Variants in SRGAP2B observed in about 807,000 individuals in gnomAD.
The protein encoded by SRGAP2B is SLIT-ROBO Rho GTPase-activating protein 2B.
In SRGAP2B, 9 loss-of-function variants were observed where a neutral mutation model predicts 22.2. That is an observed-to-expected ratio of 0.41 (90% CI 0.24 to 0.71). The LOEUF (loss-of-function observed/expected upper bound fraction) is 0.71, where lower values mean the gene tolerates loss of function less well. SRGAP2B is among the 30% of genes least tolerant of loss of function. The pLI is 0.35. For missense variants in SRGAP2B, 114 were observed against 235.8 expected (o/e 0.48, Z 3.38); for synonymous variants, 36 against 87.4 (o/e 0.41, Z 3.28).
intron 6 of SRGAP2B, among the ~76,000 whole-genome samples, chr1:144,905,577 C>A (rs1171362220): frequency 6.7e-6 from 1 of 148,850 alleles, no homozygotes; most frequent in Non-Finnish European, 1.5e-5. Context: ...CCCTCCAAAG[C>A]AATAGGATAT....
intron 2 of SRGAP2B, among the ~76,000 whole-genome samples, chr1:145,030,567 T>G (rs1239252202): frequency 0.041 from 221 of 5,370 alleles, no homozygotes; most frequent in Middle Eastern, 0.14. Flanking sequence ...TGGGGGGAGG[T>G]GGGAGGGATA....
chr1:144,917,371 T>C (rs1208648641), intron 4 of SRGAP2B: 2 of 88,188 alleles, frequency 2.3e-5, no homozygotes, highest in East Asian at 6.6e-4. Context: ...GAAGTGACCA[T>C]GAGTATCACT....
intron 2 of SRGAP2B, among the ~76,000 whole-genome samples, chr1:145,014,987 A>G (rs1342868071): frequency 2.1e-5 from 2 of 97,404 alleles, no homozygotes; most frequent in Admixed American, 1.1e-4. Flanking sequence ...AATATTTTAC[A>G]TAAATTTGCT....
At chr1:144,902,761 C>CA (rs3976117) in intron 7 of SRGAP2B, among the ~76,000 whole-genome samples, 6 of 100,588 alleles carry the variant, frequency 6.0e-5, no homozygotes, top group Admixed American at 4.5e-4. Context: ...GACTCCTTCT[C>CA]AAAAAAAAAA....
chr1:144,987,964 G>A (rs1412853863), intron 3 of SRGAP2B, among the ~76,000 whole-genome samples: 2 of 150,876 alleles, frequency 1.3e-5, no homozygotes, highest in Non-Finnish European at 2.9e-5. Flanking sequence ...CACTGAACTT[G>A]AGCAGGCAGG....
chr1:145,080,091 G>C lies in SRGAP2B; in HGVS notation c.67+12744C>G, dbSNP rs10481819. ...ACAACATAAATATCTGTAATACTAA[G>C]AGTTACACAAATTCCATTTCTGACC... On this transcript the variant is annotated intron_variant, in intron 2 of 9. Coordinates refer to ENST00000612199, the Ensembl canonical transcript of SRGAP2B. Among the ~76,000 whole-genome samples the C allele has an allele frequency of 5.4e-4, 81 of 149,358 alleles. 1 individual carries two copies. In the South Asian group the frequency reaches 7.7e-3, roughly 14 times the overall value.
intron 8 of SRGAP2B, among the ~76,000 whole-genome samples, chr1:144,893,922 C>T (rs1415867434): frequency 9.8e-5 from 13 of 132,116 alleles, no homozygotes; most frequent in Non-Finnish European, 1.9e-4. Flanking sequence ...AGAAGTGGGT[C>T]AGGAGGCTAA....
At chr1:144,889,192 A>G (rs1662078716) in exon 10 of SRGAP2B, 1 of 145,794 alleles carries the variant, frequency 6.9e-6, no homozygotes, top group Non-Finnish European at 1.5e-5. Context: ...TGGCCTCAAG[A>G]GACCCACCCG....
chr1:144,993,001 G>A (rs587659498), intron 3 of SRGAP2B, among the ~76,000 whole-genome samples: 8 of 151,872 alleles, frequency 5.3e-5, no homozygotes, highest in South Asian at 2.1e-4. Flanking sequence ...TTCCTTCTGG[G>A]AGAATCAGGA....
At chr1:144,943,398 G>C (rs1437939694) in intron 4 of SRGAP2B, among the ~76,000 whole-genome samples, 3 of 151,756 alleles carry the variant, frequency 2.0e-5, no homozygotes, top group Non-Finnish European at 4.4e-5. Flanking sequence ...TAAAACAGTA[G>C]ATTACAAAAT....
intron 2 of SRGAP2B, among the ~76,000 whole-genome samples, chr1:145,075,994 A>G (rs1165322466): frequency 6.7e-6 from 1 of 150,068 alleles, no homozygotes; most frequent in Admixed American, 6.6e-5. Context: ...AGGAGGCCAT[A>G]TATTATCTCA....
At chr1:144,972,026 A>G (rs1363168222) in intron 3 of SRGAP2B, among the ~76,000 whole-genome samples, 3 of 150,574 alleles carry the variant, frequency 2.0e-5, no homozygotes, top group Non-Finnish European at 2.9e-5. Flanking sequence ...AAGACAACAC[A>G]TAACAGGAAT....
At chr1:144,991,433 A>T (rs1670216221) in intron 3 of SRGAP2B, among the ~76,000 whole-genome samples, 1 of 139,824 alleles carries the variant, frequency 7.2e-6, no homozygotes, top group African/African-American at 2.7e-5. Context: ...GTCTAGCTCA[A>T]GGACTGTAAA....
rs1382551197 is a variant in SRGAP2B at position 145,061,596 on chromosome 1, T to C, written c.67+31239A>G. ...GAATATGTGTACATTCACTTTTTTTTCCCCCCTCTGAGACAGGGTCTCACT... is the reference window on the plus strand; with the variant it reads ...GAATATGTGTACATTCACTTTTTTTCCCCCCCTCTGAGACAGGGTCTCACT... On this transcript the variant is annotated intron_variant, in intron 2 of 9. Coordinates refer to ENST00000612199, the Ensembl canonical transcript of SRGAP2B. Among the ~76,000 whole-genome samples, 35 of 143,444 alleles carry C rather than the reference T, an allele frequency of 2.4e-4. 1 individual carries two copies. The highest frequency in any genetic ancestry group is 4.8e-4 in the Admixed American group (7 of 14,578). The allele number at this position is 143,444 out of a possible 152,430, so 94.1% of individuals were successfully genotyped here. A position where few individuals can be genotyped will look rare whatever the true frequency, so the allele number is the denominator to read the frequency against.
At chr1:144,920,848 G>C (rs1378028383) in intron 4 of SRGAP2B, among the ~76,000 whole-genome samples, 6 of 150,704 alleles carry the variant, frequency 4.0e-5, no homozygotes, top group Non-Finnish European at 7.4e-5. Flanking sequence ...AAGGACTGGA[G>C]CCCACTAACT....
intron 2 of SRGAP2B, among the ~76,000 whole-genome samples, chr1:145,023,030 C>T (rs587771413): frequency 8.7e-5 from 13 of 149,770 alleles, no homozygotes; most frequent in East Asian, 2.0e-4. Context: ...CTGGGCATGG[C>T]GATGCGTGCC....
intron 4 of SRGAP2B, among the ~76,000 whole-genome samples, chr1:144,926,070 C>T (rs1664713188): frequency 3.1e-5 from 1 of 32,518 alleles, no homozygotes; most frequent in East Asian, 5.4e-4. Context: ...TTCCTACCTT[C>T]TTTTTTTCTT....
At chr1:144,917,761 AG>A in intron 4 of SRGAP2B, 1 of 111,114 alleles carries the variant, frequency 9.0e-6, no homozygotes, top group Admixed American at 9.2e-5. Flanking sequence ...TGTGCAATAC[AG>A]CCTCTAGCAA....
intron 2 of SRGAP2B, among the ~76,000 whole-genome samples, chr1:145,067,110 G>A (rs6600742): frequency 1.5e-4 from 23 of 148,494 alleles, no homozygotes; most frequent in East Asian, 1.4e-3. Context: ...CCAACATGGC[G>A]AACCTCTGTC....
Sources: allele counts gnomAD v4.1 joint callset (sites outside exome capture counted in the v4.1 genomes callset), GRCh38; gene constraint gnomAD v4.1.1; transcripts MANE v1.5; gene names NCBI Gene and HGNC (gene_info 2026-07-23, HGNC 2026-07-21).